SLC39A12: variants seen among roughly 807,000 people sequenced by gnomAD.
The protein encoded by SLC39A12 is solute carrier family 39 member 12, also known as zinc transporter ZIP12.
In SLC39A12, 63 loss-of-function variants were observed where a neutral mutation model predicts 71.1. That is an observed-to-expected ratio of 0.89 (90% CI 0.72 to 1.09). The LOEUF is 1.09. SLC39A12 is among the 50% of genes least tolerant of loss of function. The pLI is 0.00. For synonymous variants in SLC39A12, 351 were observed against 301.3 expected (o/e 1.16, Z -1.71); for missense variants, 892 against 812.6 (o/e 1.10, Z -1.19).
At chr10:17,953,584 A>C in intron 2 of SLC39A12, 47 bp downstream of exon 2, 1 of 1,593,506 alleles carries the variant, frequency 6.3e-7, no homozygotes, top group South Asian at 1.1e-5. Flanking sequence ...GTCCAAAAGA[A>C]AGCAATGGAT....
rs375148755 is a variant in SLC39A12, at chr10:17,953,322, C to T, written c.46C>T (p.Leu16Phe). ...KLSVSWVPLF[L>F]LLSRVFSTET... ...CTCAGTATCCTGGGTGCCATTGTTT[C>T]TTCTACTCAGCCGTGTTTTTTCTAC... The change falls in exon 2 of 13, where the codon CTT (leucine) becomes TTT (phenylalanine). Residue 16 changes from leucine (L) to phenylalanine (F), a missense_variant. Transcript: ENST00000377369. The T allele has an allele frequency of 4.0e-5, 65 of 1,614,096 alleles. No individual in the cohort carries two copies. Among genetic ancestry groups the T allele is most frequent in the Non-Finnish European group, 5.5e-5 (65 of 1,180,038 alleles).
At position 18,043,042 on chromosome 10, in the gene SLC39A12, G is replaced by A; in HGVS notation, c.*209G>A. The A allele has an allele frequency of 3.4e-6, 1 of 291,494 alleles. No homozygotes were observed. The highest frequency in any genetic ancestry group is 6.1e-6 in the Non-Finnish European group (1 of 164,474). The allele number at this position is 291,494 out of a possible 1,614,324, so 18.1% of individuals were successfully genotyped here. A position where few individuals can be genotyped will look rare whatever the true frequency, so the allele number is the denominator to read the frequency against. On this transcript the variant is annotated 3_prime_UTR_variant, in exon 13 of 13. Coordinates refer to ENST00000377369, the MANE Select transcript of SLC39A12 (RefSeq NM_001145195.2). ...TGTCCTTAATTGAAATTTTGTCTTTGGTTTCCAACACCATGATGAAGCTCT... is the reference window on the plus strand; with the variant it reads ...TGTCCTTAATTGAAATTTTGTCTTTAGTTTCCAACACCATGATGAAGCTCT...
In SLC39A12 at chr10:17,953,337, G is replaced by A. The variant is rs1554847346; in HGVS notation, c.61G>A (p.Val21Ile). The change falls in exon 2 of 13, where the codon GTT becomes ATT. Residue 21 changes from valine to isoleucine, a missense_variant. Coordinates refer to ENST00000377369, the MANE Select transcript of SLC39A12 (RefSeq NM_001145195.2). The stretch of plus-strand genomic sequence containing the variant: ...GCCATTGTTTCTTCTACTCAGCCGT[G>A]TTTTTTCTACTGAGACAGACAAACC... Reference protein sequence around the residue: ...WVPLFLLLSRVFSTETDKPSA... With the variant: ...WVPLFLLLSRIFSTETDKPSA... 1 of 1,614,176 alleles carries A rather than the reference G, an allele frequency of 6.2e-7. No homozygotes were observed. Among genetic ancestry groups the A allele is most frequent in the South Asian group, 1.1e-5 (1 of 91,084 alleles).
At chr10:18,036,901 C>T (rs1265315622) in intron 12 of SLC39A12, among the ~76,000 whole-genome samples, 1 of 150,776 alleles carries the variant, frequency 6.6e-6, no homozygotes, top group Non-Finnish European at 1.5e-5. Context: ...ATTCTCTTGC[C>T]TCAGCCTTTC....
chr10:18,040,394 C>T (rs1373822828), intron 12 of SLC39A12, among the ~76,000 whole-genome samples: 2 of 152,140 alleles, frequency 1.3e-5, no homozygotes, highest in African/African-American at 4.8e-5. Flanking sequence ...GTAAACCACC[C>T]TCATGCCATT....
intron 12 of SLC39A12, among the ~76,000 whole-genome samples, chr10:18,015,596 C>A (rs7909503): frequency 0.045 from 6,819 of 151,702 alleles, 543 homozygotes; most frequent in African/African-American, 0.16. Flanking sequence ...ACATCAAACA[C>A]TCTAGTAACT....
chr10:17,965,096 A>G (rs1033028181), intron 3 of SLC39A12, among the ~76,000 whole-genome samples: 2 of 152,084 alleles, frequency 1.3e-5, no homozygotes, highest in Non-Finnish European at 2.9e-5. Context: ...AATCCCAGCT[A>G]CTCAGGAGGC....
intron 12 of SLC39A12, among the ~76,000 whole-genome samples, chr10:18,036,790 A>ATT (rs1464293480): frequency 1.1e-3 from 76 of 69,192 alleles, no homozygotes; most frequent in Non-Finnish European, 1.5e-3. Flanking sequence ...ATATATATAT[A>ATT]TATATTTTTT....
At position 18,021,809 on chromosome 10, in the gene SLC39A12, T is replaced by A. The variant is rs1019989710; in HGVS notation, c.1947+18451T>A. The stretch of plus-strand genomic sequence containing the variant: ...CCTTAAGGACCTCTTGGAAGTCAGG[T>A]CTGGTGGTTACAAATTCCATTAGCA... On this transcript the variant is annotated intron_variant, in intron 12 of 12. Coordinates refer to ENST00000377369, the MANE Select transcript of SLC39A12 (RefSeq NM_001145195.2). 2.6e-5 allele frequency among the ~76,000 whole-genome samples: 4 copies of A among 152,266 alleles called. No individual in the cohort carries two copies. The East Asian group carries it at 7.7e-4, about 29-fold the overall frequency.
chr10:18,002,686 A>T (rs1721264131), intron 11 of SLC39A12: 1 of 152,270 alleles, frequency 6.6e-6, no homozygotes, highest in East Asian at 1.9e-4. Flanking sequence ...TAAAGGGAAA[A>T]ATTTGTTTCC....
intron 5 of SLC39A12, among the ~76,000 whole-genome samples, chr10:17,979,487 A>G (rs1835200157): frequency 6.6e-6 from 1 of 152,214 alleles, no homozygotes; most frequent in Non-Finnish European, 1.5e-5. Flanking sequence ...GAATTGTATT[A>G]TGAAACTATC....
intron 12 of SLC39A12, among the ~76,000 whole-genome samples, chr10:18,012,211 C>G (rs1836246111): frequency 6.6e-6 from 1 of 151,666 alleles, no homozygotes; most frequent in Non-Finnish European, 1.5e-5. Context: ...TGATTGATGT[C>G]AAAAAGGACA....
At chr10:18,030,713 C>T (rs1836821903) in intron 12 of SLC39A12, among the ~76,000 whole-genome samples, 1 of 150,136 alleles carries the variant, frequency 6.7e-6, no homozygotes, top group South Asian at 2.1e-4. Context: ...CATATGTATA[C>T]ATGTGCCATG....
At chr10:18,041,714 CATATGTATAT>C (rs1837245601) in intron 12 of SLC39A12, among the ~76,000 whole-genome samples, 1 of 84,354 alleles carries the variant, frequency 1.2e-5, no homozygotes, top group Non-Finnish European at 2.4e-5. Context: ...TATGTATATA[CATATGTATAT>C]ATGTGTATAT....
At chr10:17,985,539 G>A (rs1020919443) in intron 6 of SLC39A12, among the ~76,000 whole-genome samples, 1 of 151,982 alleles carries the variant, frequency 6.6e-6, no homozygotes. Flanking sequence ...CATAGTCACT[G>A]AAGAAAGTGG....
chr10:17,952,126 T>C (rs1323042374), intron 1 of SLC39A12, 101 bp downstream of exon 1: 3 of 152,218 alleles, frequency 2.0e-5, no homozygotes, highest in African/African-American at 7.2e-5. Context: ...CTCATAAAAG[T>C]AATCCCAGTA....
chr10:18,027,629 G>A (rs1025006353), intron 12 of SLC39A12, among the ~76,000 whole-genome samples: 5 of 152,196 alleles, frequency 3.3e-5, no homozygotes, highest in African/African-American at 1.2e-4. Flanking sequence ...TCCACTGACT[G>A]GTTCTAGCAG....
intron 12 of SLC39A12, among the ~76,000 whole-genome samples, chr10:18,018,690 C>A (rs1415854363): frequency 6.6e-6 from 1 of 152,048 alleles, no homozygotes; most frequent in East Asian, 1.9e-4. Flanking sequence ...TAACTGATAT[C>A]CAAATGTTGA....
At position 18,036,205 on chromosome 10, in the gene SLC39A12, A is replaced by G. The variant is rs574606147; in HGVS notation, c.1948-6500A>G. 1.8e-4 allele frequency among the ~76,000 whole-genome samples: 28 copies of G among 152,234 alleles called. 1 individual carries two copies. The South Asian group carries it at 1.9e-3, about 10-fold the overall frequency. On this transcript the variant is annotated intron_variant, in intron 12 of 12. Transcript: ENST00000377369. ...TTCCAGCTTCAGGGCTGCTTTGTTT[A>G]CCTAAGCAAGCCTGGGCAATGGCGG...
Sources: allele counts gnomAD v4.1 joint callset (sites outside exome capture counted in the v4.1 genomes callset), GRCh38; gene constraint gnomAD v4.1.1; transcripts MANE v1.5; gene names NCBI Gene and HGNC (gene_info 2026-07-23, HGNC 2026-07-21).